The following TAPT1 variants were observed in gnomAD, a reference collection of about 807,000 sequenced individuals.
TAPT1 encodes the protein transmembrane anterior posterior transformation 1, also known as transmembrane anterior posterior transformation protein 1 homolog.
A neutral mutation model predicts 65.6 loss-of-function variants in TAPT1; 28 were observed. That is an observed-to-expected ratio of 0.43 (90% CI 0.32 to 0.59). TAPT1 has a LOEUF of 0.59. Among genes scored for constraint, TAPT1 ranks in the 20% least tolerant of loss-of-function variants. The probability of loss-of-function intolerance (pLI) is 0.09; values close to 1 mark genes in which losing one functional copy is unlikely to be tolerated. For synonymous variants in TAPT1, 278 were observed against 245.2 expected, an observed-to-expected ratio of 1.13 and a Z score of -1.25; for missense variants, 563 against 679.9, an observed-to-expected ratio of 0.83 and a Z score of 1.91.
chr4:16,176,960 A>G (rs1748373014), intron 8 of TAPT1, among the ~76,000 whole-genome samples: 1 of 152,226 alleles, frequency 6.6e-6, no homozygotes, highest in Non-Finnish European at 1.5e-5. Flanking sequence ...GATCACTACA[A>G]TGTAAAGATA....
chr4:16,166,813 A>C lies in TAPT1; in HGVS notation c.1314-20T>G. On this transcript the variant is annotated intron_variant, in intron 12 of 13. Coordinates refer to ENST00000405303, the MANE Select transcript of TAPT1 (RefSeq NM_153365.3). ...ATCAACCTAAAAACAGAAACAAAAC[A>C]AACCACATCCGTTGGAATTCATCTA... is the stretch of plus-strand genomic sequence containing the variant. 6.2e-7 allele frequency: 1 copy of C among 1,611,324 alleles called. No individual in the cohort carries two copies. The highest frequency in any genetic ancestry group is 8.5e-7 in the Non-Finnish European group (1 of 1,177,664).
At chr4:16,188,106 T>C (rs1261099306) in intron 5 of TAPT1, 114 bp downstream of exon 5, 3 of 874,246 alleles carry the variant, frequency 3.4e-6, no homozygotes, top group African/African-American at 3.5e-5. Context: ...CACATTAATC[T>C]TCAGGATACA....
At chr4:16,208,524 C>T (rs1368578550) in intron 2 of TAPT1, among the ~76,000 whole-genome samples, 1 of 152,146 alleles carries the variant, frequency 6.6e-6, no homozygotes, top group East Asian at 1.9e-4. Flanking sequence ...CACCCCATTT[C>T]TTTGTTTATA....
intron 7 of TAPT1, among the ~76,000 whole-genome samples, chr4:16,185,101 G>T (rs1222648748): frequency 6.6e-6 from 1 of 151,682 alleles, no homozygotes; most frequent in African/African-American, 2.4e-5. Context: ...TAGCATTTAT[G>T]TTTAGGGTTA....
intron 3 of TAPT1, among the ~76,000 whole-genome samples, chr4:16,200,003 G>A (rs1185534349): frequency 2.0e-5 from 3 of 152,150 alleles, no homozygotes; most frequent in Non-Finnish European, 4.4e-5. Context: ...ATATAACAAG[G>A]TGGAACTTCA....
chr4:16,198,327 G>A lies in TAPT1; in HGVS notation c.449+4135C>T, dbSNP rs191428772. ...TGTACAAGATGTAAATCTGCAAACAGATGAGGTGAGAACACTGATCTCAAA... is the reference window on the plus strand; with the variant it reads ...TGTACAAGATGTAAATCTGCAAACAAATGAGGTGAGAACACTGATCTCAAA... On this transcript the variant is annotated intron_variant, in intron 3 of 13. Transcript: ENST00000405303. Among the ~76,000 whole-genome samples the A allele has an allele frequency of 2.1e-3, 320 of 152,300 alleles. 1 individual carries two copies. The highest frequency in any genetic ancestry group is 0.016 in the South Asian group (75 of 4,826).
intron 7 of TAPT1, among the ~76,000 whole-genome samples, chr4:16,184,663 G>T (rs142127520): frequency 6.6e-6 from 1 of 152,190 alleles, no homozygotes; most frequent in African/African-American, 2.4e-5. Context: ...ACTCTGGAGG[G>T]TGTGCAGTGC....
intron 1 of TAPT1, among the ~76,000 whole-genome samples, chr4:16,225,140 A>G (rs1751471210): frequency 6.6e-6 from 1 of 152,266 alleles, no homozygotes; most frequent in Non-Finnish European, 1.5e-5. Context: ...TGGTTAATTG[A>G]AAAAGACCAA....
chr4:16,216,802 A>G (rs556630865), intron 1 of TAPT1, among the ~76,000 whole-genome samples: 1 of 152,128 alleles, frequency 6.6e-6, no homozygotes, highest in Admixed American at 6.5e-5. Flanking sequence ...CCTCCCTTCA[A>G]TGCTAACTCC....
intron 3 of TAPT1, among the ~76,000 whole-genome samples, chr4:16,199,929 C>T (rs1170624067): frequency 1.3e-5 from 2 of 152,026 alleles, no homozygotes; most frequent in African/African-American, 4.8e-5. Flanking sequence ...TGCCCTGTAC[C>T]CCCACGTAAC....
chr4:16,187,434 T>A (rs1040110562), intron 5 of TAPT1, among the ~76,000 whole-genome samples: 5 of 152,216 alleles, frequency 3.3e-5, no homozygotes, highest in Admixed American at 6.5e-5. Context: ...AACTGCAGAA[T>A]TATATTTGTA....
intron 1 of TAPT1, among the ~76,000 whole-genome samples, chr4:16,220,805 G>T (rs1751211281): frequency 6.6e-6 from 1 of 150,592 alleles, no homozygotes; most frequent in Non-Finnish European, 1.5e-5. Context: ...CTTAACATTA[G>T]AAGAACTATG....
intron 2 of TAPT1, among the ~76,000 whole-genome samples, chr4:16,206,443 G>A (rs1750349303): frequency 6.6e-6 from 1 of 152,168 alleles, no homozygotes; most frequent in South Asian, 2.1e-4. Flanking sequence ...ACAGGGCTTA[G>A]ACAGGGCTGT....
intron 12 of TAPT1, among the ~76,000 whole-genome samples, chr4:16,168,811 G>A (rs1747806875): frequency 1.3e-5 from 2 of 152,252 alleles, no homozygotes; most frequent in Admixed American, 6.5e-5. Flanking sequence ...ACCAGCCCAG[G>A]CCCAGGCCCT....
intron 4 of TAPT1, among the ~76,000 whole-genome samples, chr4:16,189,101 G>T (rs1749198499): frequency 6.6e-6 from 1 of 152,068 alleles, no homozygotes; most frequent in African/African-American, 2.4e-5. Context: ...AAAATATGCA[G>T]ATTTACTTCC....
intron 2 of TAPT1, among the ~76,000 whole-genome samples, chr4:16,211,044 G>A (rs1352792052): frequency 9.3e-6 from 1 of 108,070 alleles, no homozygotes; most frequent in South Asian, 2.9e-4. Flanking sequence ...AAATTGGGGT[G>A]TTTTTTTTTT....
At chr4:16,191,586 A>G (rs1206495951) in intron 3 of TAPT1, 63 bp from the exon 4 acceptor site, 10 of 1,461,302 alleles carry the variant, frequency 6.8e-6, no homozygotes, top group African/African-American at 2.8e-5. Context: ...CAAAAACAAT[A>G]ATCTTTACTC....
At chr4:16,185,784 A>G (rs904774819) in intron 7 of TAPT1, among the ~76,000 whole-genome samples, 1 of 152,098 alleles carries the variant, frequency 6.6e-6, no homozygotes, top group African/African-American at 2.4e-5. Context: ...AGGCCTCCCC[A>G]TAACACACCC....
At chr4:16,194,663 C>G (rs1375265245) in intron 3 of TAPT1, among the ~76,000 whole-genome samples, 1 of 152,044 alleles carries the variant, frequency 6.6e-6, no homozygotes, top group Non-Finnish European at 1.5e-5. Context: ...AAAAACTGGA[C>G]TATTATGATA....
Sources: allele counts gnomAD v4.1 joint callset (sites outside exome capture counted in the v4.1 genomes callset), GRCh38; gene constraint gnomAD v4.1.1; transcripts MANE v1.5; gene names NCBI Gene and HGNC (gene_info 2026-07-23, HGNC 2026-07-21).